ERC1: variants seen among roughly 807,000 people sequenced by gnomAD.
ERC1 encodes the protein RAB6 interacting protein 2.
In ERC1, 56 loss-of-function variants were observed where a neutral mutation model predicts 132.0. The ratio of observed to expected loss-of-function variants is 0.42; its 90% CI spans 0.34 to 0.53. The LOEUF is 0.53. Among genes scored for constraint, ERC1 ranks in the 20% least tolerant of loss-of-function variants. The pLI is 0.03. For missense variants in ERC1, 1,202 were observed against 1,349.9 expected (o/e 0.89, Z 1.72); for synonymous variants, 478 against 476.1 (o/e 1.00, Z -0.05).
chr12:1,451,388 G>C (rs12300475), intron 18 of ERC1, among the ~76,000 whole-genome samples: 1 of 152,130 alleles, frequency 6.6e-6, no homozygotes, highest in Non-Finnish European at 1.5e-5. Flanking sequence ...CAAAGCAGGA[G>C]GATTGCTTGA....
intron 11 of ERC1, among the ~76,000 whole-genome samples, chr12:1,188,951 T>G (rs745866689): frequency 7.9e-5 from 12 of 152,236 alleles, no homozygotes; most frequent in Non-Finnish European, 1.5e-4. Flanking sequence ...TGAAAATTAG[T>G]TTTTAATTAT....
intron 15 of ERC1, among the ~76,000 whole-genome samples, chr12:1,354,799 C>T (rs79470493): frequency 0.01 from 1,535 of 152,150 alleles, 35 homozygotes; most frequent in African/African-American, 0.035. Context: ...TACAGGAGTG[C>T]GCCCGGCTAG....
intron 15 of ERC1, among the ~76,000 whole-genome samples, chr12:1,338,745 A>G (rs1213269095): frequency 5.9e-5 from 9 of 151,484 alleles, no homozygotes; most frequent in Non-Finnish European, 1.0e-4. Context: ...CTATTTGATG[A>G]CCTTCAGTGT....
chr12:1,463,269 ACCGCAT>A (rs1318493480), intron 18 of ERC1, among the ~76,000 whole-genome samples: 1 of 152,144 alleles, frequency 6.6e-6, no homozygotes, highest in African/African-American at 2.4e-5. Context: ...TCACTCCGGG[ACCGCAT>A]CAATCATCAG....
intron 2 of ERC1, among the ~76,000 whole-genome samples, chr12:1,040,828 G>T (rs992967781): frequency 1.3e-5 from 2 of 152,118 alleles, no homozygotes; most frequent in Non-Finnish European, 2.9e-5. Flanking sequence ...AGATAGTTCA[G>T]CCTTAATGTA....
At chr12:1,167,905 G>A (rs891222773) in intron 8 of ERC1, among the ~76,000 whole-genome samples, 5 of 151,682 alleles carry the variant, frequency 3.3e-5, no homozygotes, top group Non-Finnish European at 7.4e-5. Flanking sequence ...TACTGCAGAC[G>A]GGGTTTCAGC....
At chr12:1,150,555 A>T (rs1253106496) in intron 8 of ERC1, among the ~76,000 whole-genome samples, 1 of 152,198 alleles carries the variant, frequency 6.6e-6, no homozygotes, top group Non-Finnish European at 1.5e-5. Context: ...TGATGAGTCA[A>T]CATCTTAAGA....
At chr12:1,313,872 T>C (rs111555038) in intron 15 of ERC1, among the ~76,000 whole-genome samples, 5,254 of 152,148 alleles carry the variant, frequency 0.035, 97 homozygotes, top group Middle Eastern at 0.075. Flanking sequence ...TAATCCCAGC[T>C]ACTCGGGAGG....
At chr12:1,358,386 A>C (rs2085748613) in intron 15 of ERC1, among the ~76,000 whole-genome samples, 1 of 152,184 alleles carries the variant, frequency 6.6e-6, no homozygotes, top group Non-Finnish European at 1.5e-5. Context: ...GATCATTTTC[A>C]CTATGGAATT....
intron 7 of ERC1, among the ~76,000 whole-genome samples, chr12:1,138,229 G>GTATAATTACAATATATGATATATATTA (rs1566060382): frequency 1.9e-5 from 2 of 106,336 alleles, no homozygotes; most frequent in African/African-American, 8.7e-5. Flanking sequence ...TATATATCAT[G>GTATAATTACAATATATGATATATATTA]TATAATATAA....
intron 1 of ERC1, among the ~76,000 whole-genome samples, chr12:1,024,026 ATTTC>A (rs1356273832): frequency 1.1e-4 from 16 of 152,140 alleles, no homozygotes; most frequent in Non-Finnish European, 4.4e-5. Context: ...TTCCTGTTTG[ATTTC>A]TTTGTTTCTC....
In ERC1 at chr12:1,330,890, G is replaced by C. The variant is rs965359051; in HGVS notation, c.2780+40878G>C. ...TTTTATCCTTTATGTTCCATGTTTT[G>C]ACTAAATTGCTAGTACTGTCTTTCA... is the stretch of plus-strand genomic sequence containing the variant. On this transcript the variant is annotated intron_variant, in intron 15 of 18. Coordinates refer to ENST00000360905, the MANE Select transcript of ERC1 (RefSeq NM_178040.4). 1.1e-3 allele frequency among the ~76,000 whole-genome samples: 161 copies of C among 151,742 alleles called. 1 individual carries two copies. The highest frequency in any genetic ancestry group is 9.3e-4 in the Non-Finnish European group (63 of 67,928).
chr12:1,286,976 T>G (rs564576860), intron 14 of ERC1, among the ~76,000 whole-genome samples: 1 of 152,186 alleles, frequency 6.6e-6, no homozygotes, highest in Non-Finnish European at 1.5e-5. Flanking sequence ...CAAGAATAGC[T>G]AAGATGCTCT....
chr12:1,318,867 G>A (rs2081941714), intron 15 of ERC1, among the ~76,000 whole-genome samples: 1 of 152,128 alleles, frequency 6.6e-6, no homozygotes, highest in South Asian at 2.1e-4. Context: ...ACGGGCTGCA[G>A]CAGGCCGTTT....
At chr12:1,312,397 T>A (rs2081371334) in intron 15 of ERC1, among the ~76,000 whole-genome samples, 1 of 152,156 alleles carries the variant, frequency 6.6e-6, no homozygotes, top group Non-Finnish European at 1.5e-5. Context: ...TTTTTTCCTC[T>A]GTCACCCAGG....
intron 15 of ERC1, among the ~76,000 whole-genome samples, chr12:1,314,608 CAT>C (rs1487498622): frequency 6.6e-6 from 1 of 152,164 alleles, no homozygotes; most frequent in African/African-American, 2.4e-5. Flanking sequence ...GGTAAATTGA[CAT>C]AAGGTATTTT....
rs368882200 is a variant in ERC1 at position 1,000,116 on chromosome 12, A to G, written c.-157+8794A>G. On this transcript the variant is annotated intron_variant, in intron 1 of 18. Coordinates refer to ENST00000360905, the MANE Select transcript of ERC1 (RefSeq NM_178040.4). ...GATGAATAGATAATTTTTATGTGAC[A>G]GCCCTTTTGTATATATTAGTTTCAT... is the stretch of plus-strand genomic sequence containing the variant. Among the ~76,000 whole-genome samples, 8 of 152,304 alleles carry G rather than the reference A, an allele frequency of 5.3e-5. No individual in the cohort carries two copies. The East Asian group carries it at 1.2e-3, about 22-fold the overall frequency.
At chr12:1,440,352 C>G (rs370535117) in intron 17 of ERC1, among the ~76,000 whole-genome samples, 1,777 of 149,400 alleles carry the variant, frequency 0.012, 50 homozygotes, top group African/African-American at 0.039. Flanking sequence ...CTACAGACGC[C>G]CGCCACCACG....
At chr12:1,390,768 G>A (rs1460765162) in intron 16 of ERC1, 1 of 152,252 alleles carries the variant, frequency 6.6e-6, no homozygotes, top group African/African-American at 2.4e-5. Flanking sequence ...GGAATAGGTT[G>A]CCCTGCCCTA....
Sources: gnomAD v4.1 joint callset for allele counts (sites outside exome capture counted in the v4.1 genomes callset) on GRCh38, gnomAD v4.1.1 for gene constraint, MANE v1.5 for transcripts, NCBI Gene and HGNC (gene_info 2026-07-23, HGNC 2026-07-21) for gene names.